The following PRKCZ variants were observed in gnomAD, a reference collection of about 807,000 sequenced individuals.
PRKCZ encodes the protein protein kinase C zeta.
In PRKCZ, 33 loss-of-function variants were observed where a neutral mutation model predicts 79.5. The observed-to-expected ratio is 0.41, with a 90% confidence interval of 0.31 to 0.55. The LOEUF (loss-of-function observed/expected upper bound fraction) is 0.55. Ranked by LOEUF, PRKCZ falls within the 20% of genes least tolerant of loss-of-function variation. The probability of loss-of-function intolerance (pLI) is 0.19; values close to 1 mark genes in which losing one functional copy is unlikely to be tolerated. For missense variants in PRKCZ, 578 were observed against 813.5 expected (o/e 0.71, Z 3.52); for synonymous variants, 342 against 320.9 (o/e 1.07, Z -0.70).
At chr1:2,077,277 C>G (rs1216237672) in intron 4 of PRKCZ, among the ~76,000 whole-genome samples, 1 of 152,196 alleles carries the variant, frequency 6.6e-6, no homozygotes, top group African/African-American at 2.4e-5. Flanking sequence ...TGTGTCTGGT[C>G]TTTCTGAAGT....
intron 10 of PRKCZ, chr1:2,156,761 C>A (rs1357076291): frequency 6.6e-6 from 1 of 152,342 alleles, no homozygotes; most frequent in Non-Finnish European, 1.5e-5. Flanking sequence ...AGAGCCCTCT[C>A]CCAGTTCCTC....
intron 4 of PRKCZ, among the ~76,000 whole-genome samples, chr1:2,076,704 C>T (rs141408013): frequency 0.023 from 3,543 of 151,124 alleles, 138 homozygotes; most frequent in African/African-American, 0.082. Context: ...ATTGCGCCAC[C>T]GCACTCCAGC....
At chr1:2,151,943 T>G (rs1216568817) in intron 9 of PRKCZ, among the ~76,000 whole-genome samples, 1 of 152,126 alleles carries the variant, frequency 6.6e-6, no homozygotes, top group East Asian at 1.9e-4. Context: ...CACCTCCTGC[T>G]AGGCTGAGGT....
intron 5 of PRKCZ, among the ~76,000 whole-genome samples, chr1:2,140,427 C>T (rs1677085484): frequency 6.6e-6 from 1 of 151,980 alleles, no homozygotes; most frequent in Non-Finnish European, 1.5e-5. Context: ...CCGAGGCAGG[C>T]GGAGTGCCTG....
chr1:2,173,533 C>T lies in PRKCZ; in HGVS notation c.1286-364C>T, dbSNP rs186268888. Among the ~76,000 whole-genome samples the T allele has an allele frequency of 3.3e-5, 5 of 152,292 alleles. No homozygotes were observed. Among genetic ancestry groups the T allele is most frequent in the Non-Finnish European group, 5.9e-5 (4 of 68,020 alleles). ...AGAAGGAAACACAGGAGAGTATTTC[C>T]GTTACTGCAGCGAAAGGGCTTCTTC... On this transcript the variant is annotated intron_variant, in intron 13 of 17. Transcript: ENST00000378567. This position sits in a 1 kb window ranked among gnomAD's most constrained non-coding sequence, Gnocchi z 5.7.
intron 4 of PRKCZ, among the ~76,000 whole-genome samples, chr1:2,102,616 G>C (rs1044628060): frequency 6.6e-6 from 1 of 152,196 alleles, no homozygotes; most frequent in Non-Finnish European, 1.5e-5. Context: ...ACAGGTGTGA[G>C]CCACCGTGCC....
chr1:2,173,922 G>A lies in PRKCZ; in HGVS notation c.1311G>A (p.Leu437=). The stretch of plus-strand genomic sequence containing the variant: ...GGTTCAGCGTGGACTGGTGGGCGCT[G>A]GGAGTCCTCATGTTTGAGATGATGG... ...EYGFSVDWWA[L]GVLMFEMMAG... Residue 437 remains leucine, a synonymous_variant, in exon 14 of 18, where the codon CTG becomes CTA. Coordinates refer to ENST00000378567, the MANE Select transcript of PRKCZ (RefSeq NM_002744.6). The surrounding 1 kb of genome is among the most constrained non-coding windows in gnomAD (Gnocchi z 5.7). 2 of 1,612,414 alleles carry A rather than the reference G, an allele frequency of 1.2e-6. No homozygotes were observed. The highest frequency in any genetic ancestry group is 1.7e-6 in the Non-Finnish European group (2 of 1,179,178).
rs1055976425 is a variant in PRKCZ at position 2,114,382 on chromosome 1, T to C, written c.335-20880T>C. Among the ~76,000 whole-genome samples, 16 of 152,228 alleles carry C rather than the reference T, an allele frequency of 1.1e-4. No homozygotes were observed. The South Asian group carries it at 3.1e-3, about 30-fold the overall frequency. ...GTGGACATTAATTCTTAGAAGAGGT[T>C]TTATTTGAAACAAGTCACAAAAATA... is the stretch of plus-strand genomic sequence containing the variant. On this transcript the variant is annotated intron_variant, in intron 4 of 17. Coordinates refer to ENST00000378567, the MANE Select transcript of PRKCZ (RefSeq NM_002744.6).
intron 4 of PRKCZ, among the ~76,000 whole-genome samples, chr1:2,090,622 A>G (rs1031270322): frequency 3.3e-5 from 5 of 152,214 alleles, no homozygotes; most frequent in South Asian, 2.1e-4. Flanking sequence ...GGCCCCGTGC[A>G]CATGTAGGAA....
chr1:2,173,983 C>A lies in PRKCZ; in HGVS notation c.1372C>A (p.Pro458Thr). ...CCCGTTCGACATCATCACCGACAAC[C>A]CGGACATGAACACAGAGGACTACCT... ...RSPFDIITDN[P>T]DMNTEDYLFQ... Residue 458 changes from proline to threonine, a missense_variant, in exon 14 of 18, where the codon CCG becomes ACG. Physicochemically the swap from Pro to Thr is conservative, Grantham distance 38. This residue lies in a region of PRKCZ where 243 missense variants were observed against 467.0 expected (regional missense o/e 0.52). Transcript: ENST00000378567. The surrounding 1 kb of genome is among the most constrained non-coding windows in gnomAD (Gnocchi z 5.7). 1.2e-6 allele frequency: 2 copies of A among 1,612,746 alleles called. No individual in the cohort carries two copies. Among genetic ancestry groups the A allele is most frequent in the Non-Finnish European group, 8.5e-7 (1 of 1,179,438 alleles).
In PRKCZ at chr1:2,174,665, C is replaced by G; in HGVS notation, c.1406-89C>G. On this transcript the variant is annotated intron_variant, in intron 14 of 17. Transcript: ENST00000378567. This position sits in a 1 kb window ranked among gnomAD's most constrained non-coding sequence, Gnocchi z 6.2. The stretch of plus-strand genomic sequence containing the variant: ...CTCCGGGGCCCCAAGGCTGAGCTCC[C>G]AAAGCTCTTGCTCAGAGTCAGAGTC... 7.1e-7 allele frequency: 1 copy of G among 1,402,958 alleles called. No individual in the cohort carries two copies. The highest frequency in any genetic ancestry group is 9.9e-7 in the Non-Finnish European group (1 of 1,006,380). 86.9% of individuals were successfully genotyped at this position (1,402,958 alleles called of 1,614,324 possible).
intron 4 of PRKCZ, among the ~76,000 whole-genome samples, chr1:2,113,545 G>A (rs548851589): frequency 1.1e-4 from 16 of 152,312 alleles, no homozygotes; most frequent in South Asian, 4.1e-4. Flanking sequence ...TGTCAGAGGC[G>A]ACCAGGGCCT....
At chr1:2,176,939 C>T (rs924655357) in intron 16 of PRKCZ, among the ~76,000 whole-genome samples, 3 of 152,218 alleles carry the variant, frequency 2.0e-5, no homozygotes, top group African/African-American at 7.2e-5. Context: ...GATGCACACA[C>T]TTAGAAATGT....
At chr1:2,114,730 T>C (rs1176646745) in intron 4 of PRKCZ, among the ~76,000 whole-genome samples, 3 of 151,802 alleles carry the variant, frequency 2.0e-5, no homozygotes, top group African/African-American at 7.3e-5. Flanking sequence ...GCCGAGATCG[T>C]GCCACTGCAC....
At position 2,127,421 on chromosome 1, in the gene PRKCZ, C is replaced by T. The variant is rs147811221; in HGVS notation, c.335-7841C>T. Among the ~76,000 whole-genome samples, 299 of 151,756 alleles carry T rather than the reference C, an allele frequency of 2.0e-3. 3 individuals carry two copies. The highest frequency in any genetic ancestry group is 0.01 in the South Asian group (50 of 4,778). ...CCCCCCCACCGCCGCCCCTGCCCCA[C>T]GGCCACCCCAGATCCTCAGACGCCC... On this transcript the variant is annotated intron_variant, in intron 4 of 17. Coordinates refer to ENST00000378567, the MANE Select transcript of PRKCZ (RefSeq NM_002744.6). This position sits in a 1 kb window ranked among gnomAD's most constrained non-coding sequence, Gnocchi z 5.1.
chr1:2,071,571 A>C (rs1387145034), intron 4 of PRKCZ: 1 of 184,646 alleles, frequency 5.4e-6, no homozygotes, highest in Non-Finnish European at 1.2e-5. Context: ...CAAACTGGAA[A>C]AGCTAGTTTT....
chr1:2,175,336 T>G (rs1297963964), intron 16 of PRKCZ, 23 bp downstream of exon 16: 7 of 1,593,174 alleles, frequency 4.4e-6, no homozygotes, highest in Admixed American at 3.4e-5. Flanking sequence ...AAAGCCTATT[T>G]GCACCCCCAT....
intron 4 of PRKCZ, among the ~76,000 whole-genome samples, chr1:2,105,058 A>T (rs1206600057): frequency 6.6e-6 from 1 of 152,168 alleles, no homozygotes; most frequent in Admixed American, 6.5e-5. Flanking sequence ...CATAGCCAAC[A>T]TTGTTGAGAA....
At chr1:2,063,372 G>C (rs958517033) in intron 4 of PRKCZ, among the ~76,000 whole-genome samples, 16 of 152,330 alleles carry the variant, frequency 1.1e-4, no homozygotes. Flanking sequence ...GAGTTCAGTG[G>C]CACGATCTCG....
Sources: gnomAD v4.1 joint callset for allele counts (sites outside exome capture counted in the v4.1 genomes callset) on GRCh38, gnomAD v4.1.1 for gene constraint, gnomAD v4.1.1 regional missense constraint, Gnocchi (gnomAD v3.1) non-coding constraint, MANE v1.5 for transcripts, NCBI Gene and HGNC (gene_info 2026-07-23, HGNC 2026-07-21) for gene names.